THTPA: variants seen among roughly 807,000 people sequenced by gnomAD.
The protein encoded by THTPA is thiamine-triphosphatase.
A neutral mutation model predicts 16.5 loss-of-function variants in THTPA; 16 were observed. The ratio of observed to expected loss-of-function variants is 0.97; its 90% confidence interval spans 0.66 to 1.47. THTPA has a LOEUF of 1.47. Ranked by LOEUF, THTPA falls within the 40% of genes most tolerant of loss-of-function variation. The pLI is 0.00. For missense variants in THTPA, 281 were observed against 280.9 expected, an observed-to-expected ratio of 1.00 and a Z score of 0.00; for synonymous variants, 110 against 115.5, an observed-to-expected ratio of 0.95 and a Z score of 0.30.
the THTPA span, among the ~76,000 whole-genome samples, chr14:23,545,033 C>T: frequency 1.3e-5 from 2 of 152,120 alleles, no homozygotes; most frequent in African/African-American, 4.8e-5. Context: ...CATCACCCTC[C>T]CTTTTTTCTC....
At chr14:23,547,856 A>G in the THTPA span, among the ~76,000 whole-genome samples, 1 of 152,190 alleles carries the variant, frequency 6.6e-6, no homozygotes, top group Admixed American at 6.5e-5. Flanking sequence ...CTGGAAAACA[A>G]TTGGAAACTA....
At position 23,557,286 on chromosome 14, in the gene THTPA, A is replaced by G. The variant is rs1364067288; in HGVS notation, c.529A>G (p.Arg177Gly). ...ACCAACTGCCCTAGAGAAGATCCAC[A>G]GGCTCAGCAGCATGCTTGGTGAGGG... ...EVPTALEKIH[R>G]LSSMLGVPAQ... The change falls in exon 1 of 2, where the codon AGG becomes GGG. Residue 177 changes from arginine (R) to glycine (G), a missense_variant. By Grantham distance (125) the Arg-to-Gly change is moderately radical. Coordinates refer to ENST00000288014, the MANE Select transcript of THTPA (RefSeq NM_024328.6). 1.4e-5 allele frequency: 22 copies of G among 1,599,372 alleles called. No homozygotes were observed. The highest frequency in any genetic ancestry group is 1.7e-5 in the Non-Finnish European group (20 of 1,175,298).
At chr14:23,534,078 G>C in the THTPA span, 1 of 1,517,480 alleles carries the variant, frequency 6.6e-7, no homozygotes. The surrounding 1 kb of genome is among the most constrained non-coding windows in gnomAD (Gnocchi z 4.5). Context: ...GATAGGGCTG[G>C]GGTGGGTCAC....
chr14:23,559,905 G>C lies in THTPA; in HGVS notation c.*1065G>C. ...AGCACCCACGGCTTCTTCTATCCCT[G>C]GGTCTTGTCTTGGGGGAACTCCTGA... On this transcript the variant is annotated 3_prime_UTR_variant, in exon 2 of 2. Coordinates refer to ENST00000288014, the MANE Select transcript of THTPA (RefSeq NM_024328.6). 2 of 1,611,040 alleles carry C rather than the reference G, an allele frequency of 1.2e-6. No homozygotes were observed. Among genetic ancestry groups the C allele is most frequent in the Middle Eastern group, 1.7e-4 (1 of 6,052 alleles).
At chr14:23,535,514 T>G in the THTPA span, 3 of 512,886 alleles carry the variant, frequency 5.8e-6, no homozygotes, top group Non-Finnish European at 9.4e-6. The surrounding 1 kb of genome is among the most constrained non-coding windows in gnomAD (Gnocchi z 4.5). Context: ...AAATTTCACT[T>G]AGTGTCTAAC....
At chr14:23,535,196 C>G in the THTPA span, 1 of 1,530,006 alleles carries the variant, frequency 6.5e-7, no homozygotes, top group Non-Finnish European at 8.8e-7. The surrounding 1 kb of genome is among the most constrained non-coding windows in gnomAD (Gnocchi z 4.5). Flanking sequence ...GTGGAGGAGG[C>G]AGCAGGGGGA....
the THTPA span, chr14:23,523,435 C>A: frequency 6.5e-7 from 1 of 1,534,460 alleles, no homozygotes; most frequent in Non-Finnish European, 8.7e-7. The surrounding 1 kb of genome is among the most constrained non-coding windows in gnomAD (Gnocchi z 4.1). Context: ...TGGCCAGGTG[C>A]TGACGGGAAA....
In THTPA at chr14:23,559,661, G is replaced by T; in HGVS notation, c.*821G>T. On this transcript the variant is annotated 3_prime_UTR_variant, in exon 2 of 2. Transcript: ENST00000288014. ...GCAGTGCAAAGCCAGAGCGCCACCTGCTGGTAGCCCTCAGGTGTAGGTTCG... is the reference window on the plus strand; with the variant it reads ...GCAGTGCAAAGCCAGAGCGCCACCTTCTGGTAGCCCTCAGGTGTAGGTTCG... 7.3e-6 allele frequency: 9 copies of T among 1,227,520 alleles called. No individual in the cohort carries two copies. In the Middle Eastern group the frequency reaches 6.1e-4, roughly 83 times the overall value. 76.0% of individuals were successfully genotyped at this position (1,227,520 alleles called of 1,614,324 possible).
the THTPA span, chr14:23,534,319 A>T: frequency 6.5e-7 from 1 of 1,536,204 alleles, no homozygotes; most frequent in Admixed American, 2.0e-5. This position sits in a 1 kb window ranked among gnomAD's most constrained non-coding sequence, Gnocchi z 4.5. Flanking sequence ...TTCTTCATCC[A>T]GGAGGATAAG....
the THTPA span, chr14:23,512,748 A>G: frequency 2.0e-5 from 3 of 150,128 alleles, no homozygotes; most frequent in African/African-American, 7.4e-5. Flanking sequence ...ATGCATATAT[A>G]TGTATATATG....
the THTPA span, chr14:23,533,868 G>A: frequency 6.5e-7 from 1 of 1,538,134 alleles, no homozygotes; most frequent in Admixed American, 2.0e-5. The surrounding 1 kb of genome is among the most constrained non-coding windows in gnomAD (Gnocchi z 4.8). Context: ...CCCCAGCACT[G>A]CAGTAGCTGC....
chr14:23,520,690 G>A, the THTPA span, among the ~76,000 whole-genome samples: 6 of 152,086 alleles, frequency 3.9e-5, no homozygotes, highest in East Asian at 1.9e-4. The surrounding 1 kb of genome is among the most constrained non-coding windows in gnomAD (Gnocchi z 8.7). Flanking sequence ...CATAGCAGGG[G>A]AGGGCTGCAC....
chr14:23,521,737 G>A, the THTPA span: 1 of 722,610 alleles, frequency 1.4e-6, no homozygotes, highest in Non-Finnish European at 2.1e-6. Flanking sequence ...CATCTGCAAG[G>A]AGCTGAGGAG....
At chr14:23,525,436 G>A in the THTPA span, 1 of 1,536,140 alleles carries the variant, frequency 6.5e-7, no homozygotes, top group Non-Finnish European at 8.7e-7. This position sits in a 1 kb window ranked among gnomAD's most constrained non-coding sequence, Gnocchi z 5.9. Flanking sequence ...AGCGGCGGTG[G>A]ACATGTTCCT....
upstream of THTPA, chr14:23,556,150 G>A (rs1056966435): frequency 4.6e-5 from 7 of 153,102 alleles, no homozygotes; most frequent in African/African-American, 1.7e-4. Flanking sequence ...CATAGCGCGT[G>A]TCTCGAGCCC....
the THTPA span, chr14:23,527,548 TCCTGCAC>T: frequency 6.5e-7 from 1 of 1,530,380 alleles, no homozygotes; most frequent in Non-Finnish European, 8.8e-7. Context: ...CTTCCTCCCC[TCCTGCAC>T]AGCCCTAATA....
the THTPA span, chr14:23,522,067 G>A: frequency 2.6e-6 from 4 of 1,536,264 alleles, no homozygotes; most frequent in African/African-American, 4.1e-5. Flanking sequence ...AGGCAGCAGT[G>A]GCGGCGTTGG....
chr14:23,552,126 C>T (rs1268388218), upstream of THTPA, among the ~76,000 whole-genome samples: 1 of 152,082 alleles, frequency 6.6e-6, no homozygotes, highest in Non-Finnish European at 1.5e-5. Context: ...CCCCATCTCC[C>T]CCCGCGAAAT....
In THTPA at chr14:23,560,147, T is replaced by C; in HGVS notation, c.*1307T>C. On this transcript the variant is annotated 3_prime_UTR_variant, in exon 2 of 2. Transcript: ENST00000288014. ...TCCTGTAACTCCCCAAGTGCTGATC[T>C]CCAGATGACTCAATCCCATCTCACA... The C allele has an allele frequency of 6.8e-7, 1 of 1,473,968 alleles. No individual in the cohort carries two copies. Among genetic ancestry groups the C allele is most frequent in the East Asian group, 2.3e-5 (1 of 43,454 alleles). 91.3% of individuals were successfully genotyped at this position (1,473,968 alleles called of 1,614,324 possible).
Sources: gnomAD v4.1 joint callset for allele counts (sites outside exome capture counted in the v4.1 genomes callset) on GRCh38, gnomAD v4.1.1 for gene constraint, Gnocchi (gnomAD v3.1) non-coding constraint, MANE v1.5 for transcripts, NCBI Gene and HGNC (gene_info 2026-07-23, HGNC 2026-07-21) for gene names.